Variants in ABCC1 observed in about 807,000 individuals in gnomAD.
ABCC1 encodes multidrug resistance-associated protein 1.
A neutral mutation model predicts 172.9 loss-of-function variants in ABCC1; 83 were observed. The ratio of observed to expected loss-of-function variants is 0.48; its 90% confidence interval spans 0.40 to 0.58. ABCC1 has a LOEUF of 0.58. Ranked by LOEUF, ABCC1 falls within the 20% of genes least tolerant of loss-of-function variation. The pLI is 0.00. For synonymous variants in ABCC1, 937 were observed against 825.2 expected (o/e 1.14, Z -2.32); for missense variants, 1,817 against 2,002.7 (o/e 0.91, Z 1.77).
At chr16:16,029,152 T>G (rs568900218) in intron 5 of ABCC1, among the ~76,000 whole-genome samples, 1 of 152,322 alleles carries the variant, frequency 6.6e-6, no homozygotes, top group South Asian at 2.1e-4. Flanking sequence ...GAGGAGCTTT[T>G]TATTTAGCCT....
chr16:16,114,390 A>G (rs1476893282), intron 22 of ABCC1, among the ~76,000 whole-genome samples: 2 of 149,364 alleles, frequency 1.3e-5, no homozygotes, highest in Admixed American at 6.7e-5. Flanking sequence ...CCCATGTTGG[A>G]GTGGAGTGGA....
At chr16:16,063,585 G>A (rs1596448134) in intron 12 of ABCC1, among the ~76,000 whole-genome samples, 1 of 152,262 alleles carries the variant, frequency 6.6e-6, no homozygotes, top group Middle Eastern at 3.4e-3. Context: ...ATCAACTAGA[G>A]TAAGAGAAGA....
intron 29 of ABCC1, among the ~76,000 whole-genome samples, chr16:16,137,848 C>T (rs772970397): frequency 6.6e-6 from 1 of 150,994 alleles, no homozygotes; most frequent in African/African-American, 2.4e-5. Flanking sequence ...CCACTGTGCC[C>T]GGCTCTTATT....
At chr16:16,134,940 C>T (rs570977581) in intron 28 of ABCC1, among the ~76,000 whole-genome samples, 1 of 152,268 alleles carries the variant, frequency 6.6e-6, no homozygotes, top group East Asian at 1.9e-4. Context: ...CCGTGGCTGG[C>T]CTTCATTGTT....
chr16:15,994,569 T>A (rs531775019), intron 1 of ABCC1, among the ~76,000 whole-genome samples: 10 of 152,274 alleles, frequency 6.6e-5, no homozygotes, highest in African/African-American at 2.4e-4. Context: ...TTTAGAAATG[T>A]CCTACCCTTC....
At chr16:15,999,764 C>CTCGTTTTCTTT in intron 1 of ABCC1, among the ~76,000 whole-genome samples, 1 of 30,762 alleles carries the variant, frequency 3.3e-5, no homozygotes, top group Non-Finnish European at 6.8e-5. Flanking sequence ...CTGTGCCCGG[C>CTCGTTTTCTTT]CTCTTTCTCT....
chr16:16,000,761 G>T (rs1242597345), intron 1 of ABCC1, among the ~76,000 whole-genome samples: 1 of 152,184 alleles, frequency 6.6e-6, no homozygotes, highest in Non-Finnish European at 1.5e-5. Context: ...TGCCTAGCCA[G>T]ATTATTACTT....
chr16:16,003,023 T>C (rs1419548339), intron 1 of ABCC1, among the ~76,000 whole-genome samples: 1 of 152,200 alleles, frequency 6.6e-6, no homozygotes, highest in African/African-American at 2.4e-5. Context: ...CACACAAATA[T>C]ATTACCTATT....
intron 27 of ABCC1, 126 bp from the exon 28 acceptor site, chr16:16,134,224 A>C (rs1471303404): frequency 1.7e-6 from 2 of 1,163,370 alleles, no homozygotes; most frequent in African/African-American, 3.0e-5. Context: ...CGCAAGGGAG[A>C]GGGCTGTCGA....
At chr16:16,103,854 C>T (rs1053821059) in intron 20 of ABCC1, among the ~76,000 whole-genome samples, 2 of 152,128 alleles carry the variant, frequency 1.3e-5, no homozygotes, top group African/African-American at 2.4e-5. Context: ...TCACTGACTT[C>T]AAGAATGAAG....
intron 24 of ABCC1, 93 bp downstream of exon 24, chr16:16,122,267 T>C: frequency 7.1e-7 from 1 of 1,411,516 alleles, no homozygotes; most frequent in Non-Finnish European, 9.8e-7. Flanking sequence ...TTGAGCTGGG[T>C]ATAAAGCCAA....
intron 26 of ABCC1, among the ~76,000 whole-genome samples, chr16:16,131,558 G>T (rs756087968): frequency 1.3e-4 from 20 of 152,068 alleles, no homozygotes; most frequent in African/African-American, 4.8e-4. Flanking sequence ...AAGGCAGTGC[G>T]GGAGGGGACA....
chr16:16,098,596 G>A (rs2051585994), intron 19 of ABCC1, among the ~76,000 whole-genome samples: 2 of 152,334 alleles, frequency 1.3e-5, no homozygotes, highest in East Asian at 1.9e-4. Flanking sequence ...TCCAGCCTGG[G>A]CTAAAGAGTG....
intron 1 of ABCC1, among the ~76,000 whole-genome samples, chr16:15,996,377 G>C (rs2047057427): frequency 6.6e-6 from 1 of 152,200 alleles, no homozygotes; most frequent in Non-Finnish European, 1.5e-5. Flanking sequence ...TCCTGCCTCT[G>C]CCTCTTCAAG....
intron 30 of ABCC1, among the ~76,000 whole-genome samples, chr16:16,140,869 G>A (rs45461301): frequency 0.022 from 3,411 of 152,246 alleles, 121 homozygotes; most frequent in African/African-American, 0.077. Context: ...TGTAGACTGT[G>A]GTAAGATCTT....
chr16:16,082,730 C>G (rs2050853559), intron 16 of ABCC1, among the ~76,000 whole-genome samples: 1 of 152,170 alleles, frequency 6.6e-6, no homozygotes, highest in Non-Finnish European at 1.5e-5. Context: ...CTCGTGGTAC[C>G]TCCATTTCCT....
rs1387174733 is a variant in ABCC1 at position 15,949,664 on chromosome 16, C to CCCGCCGCCCGGTGCCCG, written c.-77_-61dup. 1.3e-6 allele frequency: 1 copy of CCCGCCGCCCGGTGCCCG among 779,622 alleles called. No homozygotes were observed. The highest frequency in any genetic ancestry group is 7.7e-5 in the Admixed American group (1 of 13,004). 48.3% of individuals were successfully genotyped at this position (779,622 alleles called of 1,614,324 possible). On this transcript the variant is annotated 5_prime_UTR_variant, in exon 1 of 31. Transcript: ENST00000399410. ...TAGCGCCAGCAGCCGGGCCCGATCA[C>CCCGCCGCCCGGTGCCCG]CCGCCGCCCGGTGCCCGCCGCCGCC...
intron 1 of ABCC1, among the ~76,000 whole-genome samples, chr16:16,005,848 G>A (rs1027034987): frequency 6.6e-6 from 1 of 152,080 alleles, no homozygotes; most frequent in African/African-American, 2.4e-5. Flanking sequence ...CAGCTATTTA[G>A]GAGGTTGAGG....
intron 21 of ABCC1, among the ~76,000 whole-genome samples, chr16:16,108,912 C>A (rs1353068283): frequency 2.0e-5 from 3 of 151,820 alleles, no homozygotes; most frequent in Non-Finnish European, 4.4e-5. Flanking sequence ...CATTTCTGAC[C>A]CCCGAGCCCA....
Sources: allele counts gnomAD v4.1 joint callset (sites outside exome capture counted in the v4.1 genomes callset), GRCh38; gene constraint gnomAD v4.1.1; transcripts MANE v1.5; gene names NCBI Gene and HGNC (gene_info 2026-07-23, HGNC 2026-07-21).